Variants in ATAD3A observed in about 807,000 individuals in gnomAD.
The protein encoded by ATAD3A is ATPase family AAA domain-containing protein 3A.
Under a neutral mutation model 73.8 loss-of-function variants are expected in ATAD3A, and 46 were observed. That is an observed-to-expected ratio of 0.62 (90% confidence interval 0.49 to 0.80). The LOEUF is 0.80. Ranked by LOEUF, ATAD3A falls within the 30% of genes least tolerant of loss-of-function variation. The pLI, the probability that ATAD3A is intolerant of heterozygous loss-of-function variation, is 0.00. For missense variants in ATAD3A, 705 were observed against 838.0 expected (o/e 0.84, Z 1.96); for synonymous variants, 319 against 350.0 (o/e 0.91, Z 0.99).
At position 1,527,787 on chromosome 1, in the gene ATAD3A, G is replaced by T; in HGVS notation, c.1430G>T (p.Gly477Val). 6.2e-7 allele frequency: 1 copy of T among 1,613,976 alleles called. No homozygotes were observed. Residue 477 changes from glycine (G) to valine (V), a missense_variant, in exon 14 of 16, where the codon GGG becomes GTG. By Grantham distance (109) the Gly-to-Val change is moderately radical. This residue lies in a region of ATAD3A where 252 missense variants were observed against 278.5 expected (regional missense o/e 0.90). Transcript: ENST00000378756. ...GAGATGGTCCACTTCGACCTGCCAG[G>T]GCAGGAGGAACGGGAGCGCCTGGTG... Reference protein sequence around the residue: ...INEMVHFDLPGQEERERLVRM... With the variant: ...INEMVHFDLPVQEERERLVRM...
chr1:1,521,241 G>A (rs932214901), intron 7 of ATAD3A, among the ~76,000 whole-genome samples: 29 of 136,342 alleles, frequency 2.1e-4, no homozygotes, highest in African/African-American at 7.6e-4. Flanking sequence ...GGAGCTTGCA[G>A]TGAGTCGAGA....
At chr1:1,525,092 G>A (rs889362974) in intron 11 of ATAD3A, 148 bp from the exon 12 acceptor site, 6 of 1,120,634 alleles carry the variant, frequency 5.4e-6, no homozygotes, top group Non-Finnish European at 7.9e-6. Context: ...ATCGGCTTCT[G>A]TCGAGTCCAG....
rs769062097 is a variant in ATAD3A at position 1,529,346 on chromosome 1, G to A, written c.1614+15G>A. 3.4e-5 allele frequency: 53 copies of A among 1,551,052 alleles called. No individual in the cohort carries two copies. The Middle Eastern group carries it at 6.8e-4, about 20-fold the overall frequency. On this transcript the variant is annotated intron_variant, in intron 15 of 15. Transcript: ENST00000378756. ...TGTCCTGGCAGGTGAGTCAGGCTCCGGCACGTCCACCCAGACGGGACCCCA... is the reference window on the plus strand; with the variant it reads ...TGTCCTGGCAGGTGAGTCAGGCTCCAGCACGTCCACCCAGACGGGACCCCA...
chr1:1,518,559 C>T (rs1390977874), intron 4 of ATAD3A, among the ~76,000 whole-genome samples: 1 of 132,528 alleles, frequency 7.5e-6, no homozygotes, highest in East Asian at 2.6e-4. Context: ...CACACGCCTT[C>T]CCGTCACAGG....
chr1:1,518,685 A>C (rs1641472917), intron 4 of ATAD3A, among the ~76,000 whole-genome samples: 1 of 80,384 alleles, frequency 1.2e-5, no homozygotes, highest in South Asian at 4.5e-4. Context: ...ACACACACAC[A>C]CACACCCAAA....
intron 11 of ATAD3A, among the ~76,000 whole-genome samples, chr1:1,524,872 A>T (rs1641745067): frequency 1.3e-5 from 2 of 151,278 alleles, no homozygotes; most frequent in African/African-American, 4.9e-5. Context: ...CGTTGGAACC[A>T]CGATGCTCAT....
intron 7 of ATAD3A, 94 bp from the exon 8 acceptor site, chr1:1,522,650 G>T: frequency 6.4e-7 from 1 of 1,572,602 alleles, no homozygotes; most frequent in Non-Finnish European, 8.6e-7. Context: ...TTCTCCCTCG[G>T]GCGGAGAGAG....
Position 1,524,148 on chromosome 1 carries a change from G to A in ATAD3A, c.1090-125G>A, listed in dbSNP as rs563190218. ...ATCTTCCAGGCGGGGGACGTCTCCT[G>A]TCTGGCAGGCTGTGGCTTCCAGGCA... On this transcript the variant is annotated intron_variant, in intron 10 of 15. Transcript: ENST00000378756. 138 of 1,548,846 alleles carry A rather than the reference G, an allele frequency of 8.9e-5. No individual in the cohort carries two copies. In the African/African-American group the frequency reaches 1.6e-3, roughly 18 times the overall value.
In ATAD3A at chr1:1,520,489, C is replaced by G. The variant is rs1570332475; in HGVS notation, c.681-59C>G. 8 of 1,613,804 alleles carry G rather than the reference C, an allele frequency of 5.0e-6. No homozygotes were observed. In the East Asian group the frequency reaches 1.8e-4, roughly 36 times the overall value. ...GTCAGGGCCTCACCCTCAACCTGCTCTCGCTGCGTGGCACGGATCTTCGTG... is the reference window on the plus strand; with the variant it reads ...GTCAGGGCCTCACCCTCAACCTGCTGTCGCTGCGTGGCACGGATCTTCGTG... On this transcript the variant is annotated intron_variant, in intron 6 of 15. Transcript: ENST00000378756. The surrounding 1 kb of genome is among the most constrained non-coding windows in gnomAD (Gnocchi z 4.0).
intron 15 of ATAD3A, among the ~76,000 whole-genome samples, chr1:1,532,804 G>A (rs1390773061): frequency 2.0e-5 from 3 of 152,148 alleles, no homozygotes; most frequent in East Asian, 1.9e-4. Flanking sequence ...GTGGTGGTGC[G>A]GCTCTGGTCA....
At position 1,523,627 on chromosome 1, in the gene ATAD3A, G is replaced by A; in HGVS notation, c.963+60G>A. Reference sequence around the variant, plus strand: ...GGAGGGGACCCTGGAGCTGGGCCGGGCTGTGGCCCTTGCTGGCGCTCGTGG... The same window carrying A: ...GGAGGGGACCCTGGAGCTGGGCCGGACTGTGGCCCTTGCTGGCGCTCGTGG... On this transcript the variant is annotated intron_variant, in intron 9 of 15. Transcript: ENST00000378756. The surrounding 1 kb of genome is among the most constrained non-coding windows in gnomAD (Gnocchi z 5.1). The A allele has an allele frequency of 2.5e-6, 4 of 1,608,876 alleles. 1 individual carries two copies. The South Asian group carries it at 4.4e-5, about 18-fold the overall frequency.
At chr1:1,524,089 G>A in intron 10 of ATAD3A, 125 bp downstream of exon 10, 24 of 1,575,388 alleles carry the variant, frequency 1.5e-5, no homozygotes, top group Non-Finnish European at 2.1e-5. Flanking sequence ...CCTCGTGTAG[G>A]CTCAGGGTGC....
In ATAD3A at chr1:1,527,695, G is replaced by A; in HGVS notation, c.1338G>A (p.Lys446=). The A allele has an allele frequency of 1.2e-6, 2 of 1,610,648 alleles. No homozygotes were observed. The highest frequency in any genetic ancestry group is 1.1e-5 in the South Asian group (1 of 90,862). The part of the protein sequence containing the change: ...FLYRTGQHSN[K]FMLVLASNQP... ...CCTCATCCTCATCCCCGCCCCGCAGGTTCATGCTGGTCCTGGCCAGCAACC... is the reference window on the plus strand; with the variant it reads ...CCTCATCCTCATCCCCGCCCCGCAGATTCATGCTGGTCCTGGCCAGCAACC... The change falls in exon 14 of 16, where the codon AAG becomes AAA. Residue 446 remains lysine (K), a splice_region_variant and synonymous_variant. Coordinates refer to ENST00000378756, the MANE Select transcript of ATAD3A (RefSeq NM_001170535.3).
At chr1:1,528,022 C>T (rs1055515375) in intron 14 of ATAD3A, among the ~76,000 whole-genome samples, 160 bp downstream of exon 14, 5 of 150,524 alleles carry the variant, frequency 3.3e-5, no homozygotes, top group African/African-American at 1.2e-4. Flanking sequence ...TGCAGTGACA[C>T]GATCTCAGCT....
rs1570344946 is a variant in ATAD3A, at chr1:1,524,937, G to C, written c.1215-303G>C. 6.6e-5 allele frequency among the ~76,000 whole-genome samples: 10 copies of C among 152,276 alleles called. No homozygotes were observed. In the South Asian group the frequency reaches 1.7e-3, roughly 25 times the overall value. ...CTTTCACTTTAGAAGACCTGTCCCT[G>C]TCGTGGACTCTAAGCGGCCACCAGT... is the stretch of plus-strand genomic sequence containing the variant. On this transcript the variant is annotated intron_variant, in intron 11 of 15. Coordinates refer to ENST00000378756, the MANE Select transcript of ATAD3A (RefSeq NM_001170535.3).
intron 15 of ATAD3A, 79 bp downstream of exon 15, chr1:1,529,410 A>G (rs1400091957): frequency 6.7e-6 from 10 of 1,502,342 alleles, no homozygotes; most frequent in Non-Finnish European, 7.1e-6. Context: ...GGCCTGTCCC[A>G]GCACCGGTGT....
intron 14 of ATAD3A, among the ~76,000 whole-genome samples, chr1:1,528,807 G>A (rs916591600): frequency 6.6e-6 from 1 of 152,232 alleles, no homozygotes; most frequent in Non-Finnish European, 1.5e-5. Context: ...CAGCTTTCCG[G>A]GCCTCAGTTT....
At position 1,529,158 on chromosome 1, in the gene ATAD3A, C is replaced by T. The variant is rs576928184; in HGVS notation, c.1506-65C>T. 299 of 1,585,192 alleles carry T rather than the reference C, an allele frequency of 1.9e-4. 2 individuals carry two copies. The Middle Eastern group carries it at 2.2e-3, about 12-fold the overall frequency. On this transcript the variant is annotated intron_variant, in intron 14 of 15. Coordinates refer to ENST00000378756, the MANE Select transcript of ATAD3A (RefSeq NM_001170535.3). ...GGTGTCGGCCTCGCTGCCTGTCTTC[C>T]GGCCTCCACCTCGTGTTGTGGGAGC...
At chr1:1,518,689 A>ACC (rs373317158) in intron 4 of ATAD3A, among the ~76,000 whole-genome samples, 8,834 of 84,088 alleles carry the variant, frequency 0.11, 115 homozygotes, top group Middle Eastern at 0.17. Flanking sequence ...ACACACACAC[A>ACC]CCCAAACGGG....
Sources: allele counts gnomAD v4.1 joint callset (sites outside exome capture counted in the v4.1 genomes callset), GRCh38; gene constraint gnomAD v4.1.1; regional missense constraint gnomAD v4.1.1; non-coding constraint Gnocchi (gnomAD v3.1); transcripts MANE v1.5; gene names NCBI Gene and HGNC (gene_info 2026-07-23, HGNC 2026-07-21).